Variants in BBS9 observed in about 807,000 individuals in gnomAD.
The protein encoded by BBS9 is Bardet-Biedl syndrome 9.
In BBS9, 89 loss-of-function variants were observed where a neutral mutation model predicts 117.7. That is an observed-to-expected ratio of 0.76 (90% CI 0.64 to 0.90). The LOEUF is 0.90. BBS9 is among the 40% of genes least tolerant of loss of function. The pLI, the probability that BBS9 is intolerant of heterozygous loss-of-function variation, is 0.00. For synonymous variants in BBS9, 379 were observed against 370.9 expected, an observed-to-expected ratio of 1.02 and a Z score of -0.25; for missense variants, 982 against 1,042.2, an observed-to-expected ratio of 0.94 and a Z score of 0.80.
At chr7:33,205,172 T>C (rs1045301018) in intron 5 of BBS9, among the ~76,000 whole-genome samples, 2 of 152,194 alleles carry the variant, frequency 1.3e-5, no homozygotes, top group African/African-American at 4.8e-5. Context: ...ATCACCCCTA[T>C]GTGGTGGAGT....
intron 1 of BBS9, among the ~76,000 whole-genome samples, chr7:33,134,892 G>A (rs936402844): frequency 2.0e-5 from 3 of 152,138 alleles, no homozygotes; most frequent in East Asian, 1.9e-4. Flanking sequence ...CACTGCACCT[G>A]GCTTTATTTA....
chr7:33,460,173 A>G (rs1839247353), intron 19 of BBS9, among the ~76,000 whole-genome samples: 1 of 152,094 alleles, frequency 6.6e-6, no homozygotes, highest in South Asian at 2.1e-4. Flanking sequence ...GTGTGTGAAA[A>G]TCTGCATAAT....
intron 16 of BBS9, 85 bp from the exon 17 acceptor site, chr7:33,367,682 C>A: frequency 9.5e-7 from 1 of 1,052,140 alleles, no homozygotes; most frequent in Non-Finnish European, 1.5e-6. Flanking sequence ...ATAAAAAACA[C>A]GCATCATTCA....
At chr7:33,225,249 A>G (rs1280546404) in intron 5 of BBS9, among the ~76,000 whole-genome samples, 1 of 152,090 alleles carries the variant, frequency 6.6e-6, no homozygotes, top group African/African-American at 2.4e-5. Context: ...GCAGGCTTGA[A>G]TACCGTGGCA....
At chr7:33,596,786 TTC>T (rs1398801367) in intron 21 of BBS9, among the ~76,000 whole-genome samples, 4 of 152,082 alleles carry the variant, frequency 2.6e-5, no homozygotes, top group Non-Finnish European at 5.9e-5. Flanking sequence ...TTATGATCCA[TTC>T]TCTCTCCTCC....
At chr7:33,154,497 C>T (rs149341653) in intron 3 of BBS9, among the ~76,000 whole-genome samples, 81 of 152,210 alleles carry the variant, frequency 5.3e-4, no homozygotes, top group African/African-American at 1.9e-3. Flanking sequence ...CGGAGTTTCA[C>T]TCTCGTCGCC....
intron 19 of BBS9, among the ~76,000 whole-genome samples, chr7:33,430,187 C>T (rs1031081514): frequency 6.6e-6 from 1 of 152,142 alleles, no homozygotes; most frequent in Admixed American, 6.5e-5. Flanking sequence ...GATATGGTCT[C>T]CCTACAACCA....
chr7:33,192,412 C>T (rs1444629154), intron 5 of BBS9, among the ~76,000 whole-genome samples: 1 of 152,160 alleles, frequency 6.6e-6, no homozygotes, highest in Non-Finnish European at 1.5e-5. Flanking sequence ...AATTCGTGCA[C>T]TTGAAATCAA....
intron 17 of BBS9, among the ~76,000 whole-genome samples, chr7:33,381,246 T>A (rs1229429434): frequency 3.3e-5 from 5 of 152,184 alleles, no homozygotes; most frequent in Non-Finnish European, 7.4e-5. Flanking sequence ...GGGGAGGTCC[T>A]GGCACCCCTG....
At chr7:33,272,531 G>A (rs749670927) in intron 7 of BBS9, among the ~76,000 whole-genome samples, 5 of 152,008 alleles carry the variant, frequency 3.3e-5, no homozygotes, top group Non-Finnish European at 7.4e-5. Flanking sequence ...AACATTAACT[G>A]TATCCCAGCA....
intron 9 of BBS9, among the ~76,000 whole-genome samples, chr7:33,316,438 G>C (rs1810524495): frequency 6.6e-6 from 1 of 151,986 alleles, no homozygotes; most frequent in South Asian, 2.1e-4. Context: ...TGAGTTAAAG[G>C]GTTGTTATAT....
intron 19 of BBS9, among the ~76,000 whole-genome samples, chr7:33,397,497 A>T (rs983563857): frequency 2.6e-5 from 4 of 152,158 alleles, no homozygotes; most frequent in African/African-American, 9.7e-5. Flanking sequence ...TAAATCTTCA[A>T]TTATAAAAAT....
intron 11 of BBS9, among the ~76,000 whole-genome samples, chr7:33,343,428 T>G (rs1816920319): frequency 6.6e-6 from 1 of 152,138 alleles, no homozygotes; most frequent in Non-Finnish European, 1.5e-5. Flanking sequence ...AAAGAATGCC[T>G]ATTGAATTAG....
chr7:33,526,914 A>G (rs1021719452), intron 20 of BBS9, among the ~76,000 whole-genome samples: 3 of 149,288 alleles, frequency 2.0e-5, no homozygotes, highest in Admixed American at 6.8e-5. Context: ...GGTGATGTAC[A>G]GATGGGTTTT....
intron 19 of BBS9, among the ~76,000 whole-genome samples, chr7:33,457,540 T>A (rs1838822437): frequency 6.6e-6 from 1 of 152,176 alleles, no homozygotes; most frequent in Non-Finnish European, 1.5e-5. Flanking sequence ...CATTTCTGTA[T>A]GTTGAGAGAT....
At chr7:33,203,644 T>C (rs1786322695) in intron 5 of BBS9, among the ~76,000 whole-genome samples, 1 of 152,206 alleles carries the variant, frequency 6.6e-6, no homozygotes, top group Non-Finnish European at 1.5e-5. Flanking sequence ...TAAATGCTGC[T>C]CTGTAGGTTG....
At chr7:33,323,835 T>A (rs1167604033) in intron 9 of BBS9, among the ~76,000 whole-genome samples, 1 of 135,006 alleles carries the variant, frequency 7.4e-6, no homozygotes, top group East Asian at 2.0e-4. Context: ...CTGTCTTCCT[T>A]TTTTTTTTTT....
chr7:33,207,869 G>A (rs1210824137), intron 5 of BBS9, among the ~76,000 whole-genome samples: 2 of 151,810 alleles, frequency 1.3e-5, no homozygotes, highest in East Asian at 1.9e-4. Flanking sequence ...GTGCAATGGC[G>A]TGATCTCTGC....
intron 21 of BBS9, among the ~76,000 whole-genome samples, chr7:33,563,886 T>C (rs1410375985): frequency 6.6e-6 from 1 of 152,222 alleles, no homozygotes; most frequent in Non-Finnish European, 1.5e-5. Context: ...GCAGGCCTTA[T>C]TGCATGATCA....
Sources: gnomAD v4.1 joint callset for allele counts (sites outside exome capture counted in the v4.1 genomes callset) on GRCh38, gnomAD v4.1.1 for gene constraint, MANE v1.5 for transcripts, NCBI Gene and HGNC (gene_info 2026-07-23, HGNC 2026-07-21) for gene names.